The following COLGALT1 variants were observed in gnomAD, a reference collection of about 807,000 sequenced individuals.
The protein encoded by COLGALT1 is procollagen galactosyltransferase 1.
COLGALT1 carries 43 observed loss-of-function variants against 60.8 expected under a neutral mutation model. The observed-to-expected ratio is 0.71, with a 90% CI of 0.55 to 0.91. The LOEUF is 0.91. Ranked by LOEUF, COLGALT1 falls within the 40% of genes least tolerant of loss-of-function variation. The pLI is 0.00. For synonymous variants in COLGALT1, 369 were observed against 374.2 expected, an observed-to-expected ratio of 0.99 and a Z score of 0.16; for missense variants, 845 against 880.0, an observed-to-expected ratio of 0.96 and a Z score of 0.50.
intron 6 of COLGALT1, 21 bp downstream of exon 6, chr19:17,572,623 C>T (rs1344587492): frequency 6.2e-7 from 1 of 1,613,110 alleles, no homozygotes; most frequent in Non-Finnish European, 8.5e-7. Flanking sequence ...CTGCACACCG[C>T]CCTGGGAGGT....
intron 9 of COLGALT1, among the ~76,000 whole-genome samples, chr19:17,578,747 A>C (rs956456002): frequency 7.9e-5 from 12 of 152,216 alleles, no homozygotes; most frequent in Non-Finnish European, 1.8e-4. Flanking sequence ...GTGGTGGCTC[A>C]TGCCTGTAAT....
chr19:17,579,401 C>T (rs2076364427), intron 9 of COLGALT1, 81 bp from the exon 10 acceptor site: 1 of 1,589,262 alleles, frequency 6.3e-7, no homozygotes, highest in Admixed American at 1.7e-5. Context: ...GTCTTTCAAA[C>T]CTTCTCAAAG....
rs374175193 is a variant in COLGALT1, at chr19:17,577,990, G to T, written c.1167G>T (p.Gly389=). The T allele has an allele frequency of 1.7e-5, 27 of 1,612,024 alleles. No individual in the cohort carries two copies. Among genetic ancestry groups the T allele is most frequent in the African/African-American group, 1.6e-4 (12 of 74,956 alleles). ...AMNTSQVEAL[G]IQMLPGYRDP... Reference sequence around the variant, plus strand: ...ACACCAGCCAGGTGGAGGCGCTGGGGATCCAGATGCTGCCTGGCTACCGGG... The same window carrying T: ...ACACCAGCCAGGTGGAGGCGCTGGGTATCCAGATGCTGCCTGGCTACCGGG... Residue 389 remains glycine (G), a synonymous_variant, in exon 9 of 12, where the codon GGG becomes GGT. Transcript: ENST00000252599.
At position 17,576,410 on chromosome 19, in the gene COLGALT1, G is replaced by T. The variant is rs530808799; in HGVS notation, c.950-785G>T. On this transcript the variant is annotated intron_variant, in intron 6 of 11. Coordinates refer to ENST00000252599, the MANE Select transcript of COLGALT1 (RefSeq NM_024656.4). ...TATTTCAAGCAGGGATCCAGCATGTGCAAAGGCCCTGAGGTAGGAATGGGG... is the reference window on the plus strand; with the variant it reads ...TATTTCAAGCAGGGATCCAGCATGTTCAAAGGCCCTGAGGTAGGAATGGGG... Among the ~76,000 whole-genome samples the T allele has an allele frequency of 3.9e-5, 6 of 152,082 alleles. No homozygotes were observed. In the South Asian group the frequency reaches 1.2e-3, roughly 32 times the overall value.
intron 9 of COLGALT1, among the ~76,000 whole-genome samples, chr19:17,578,548 C>A (rs2076359118): frequency 6.6e-6 from 1 of 152,172 alleles, no homozygotes; most frequent in African/African-American, 2.4e-5. Context: ...TCTGACTAGG[C>A]TTCGAACTTG....
intron 6 of COLGALT1, among the ~76,000 whole-genome samples, chr19:17,576,552 G>A (rs1159025902): frequency 6.6e-6 from 1 of 151,304 alleles, no homozygotes; most frequent in Admixed American, 6.6e-5. Flanking sequence ...TGGAGCCCAG[G>A]GCGTGGCCAC....
intron 1 of COLGALT1, among the ~76,000 whole-genome samples, chr19:17,558,354 C>T (rs927832657): frequency 1.3e-5 from 2 of 149,146 alleles, no homozygotes; most frequent in South Asian, 2.2e-4. Context: ...GGATGACAGG[C>T]GTGAGCCACC....
chr19:17,577,563 C>T (rs1490178369), intron 8 of COLGALT1, 96 bp downstream of exon 8: 16 of 1,159,572 alleles, frequency 1.4e-5, no homozygotes, highest in Middle Eastern at 3.0e-4. Flanking sequence ...TGGGGGCGGG[C>T]GTGGTGTCCA....
intron 3 of COLGALT1, chr19:17,565,884 A>G (rs2076277073): frequency 6.6e-6 from 1 of 152,176 alleles, no homozygotes; most frequent in South Asian, 2.1e-4. Flanking sequence ...ACATGACCAC[A>G]GGGCTTGTCC....
chr19:17,579,638 G>C, intron 10 of COLGALT1, 29 bp downstream of exon 10: 1 of 1,603,942 alleles, frequency 6.2e-7, no homozygotes, highest in Non-Finnish European at 8.5e-7. Flanking sequence ...ATGGGGTGAA[G>C]CTGGGGCCTG....
chr19:17,577,174 C>T, intron 6 of COLGALT1, 21 bp from the exon 7 acceptor site: 1 of 1,612,294 alleles, frequency 6.2e-7, no homozygotes, highest in South Asian at 1.1e-5. Flanking sequence ...CCAGCGACTC[C>T]TCAACGTCTG....
chr19:17,578,794 T>C (rs1185219302), intron 9 of COLGALT1, among the ~76,000 whole-genome samples: 1 of 151,812 alleles, frequency 6.6e-6, no homozygotes, highest in East Asian at 1.9e-4. Flanking sequence ...GCGGATCACC[T>C]TAGGTCAGGA....
At chr19:17,580,614 G>C in intron 10 of COLGALT1, 85 bp from the exon 11 acceptor site, 1 of 1,366,844 alleles carries the variant, frequency 7.3e-7, no homozygotes, top group Non-Finnish European at 1.0e-6. Context: ...CCCAGGACCT[G>C]ACGGGGTAAC....
intron 6 of COLGALT1, among the ~76,000 whole-genome samples, chr19:17,574,565 G>A (rs1568479808): frequency 6.6e-6 from 1 of 152,080 alleles, no homozygotes; most frequent in Non-Finnish European, 1.5e-5. Flanking sequence ...CCTGTCCTCA[G>A]GTGATCCACC....
Position 17,567,459 on chromosome 19 carries a change from C to G in COLGALT1, c.543C>G (p.Ile181Met). ...ILNPDTLSLL[I>M]AENKTVVAPM... is the part of the protein sequence containing the mutation. The stretch of plus-strand genomic sequence containing the variant: ...ACCCTGACACACTGAGCCTGCTCAT[C>G]GCTGAGAACAAGACGGTGGTCGCCC... Residue 181 changes from isoleucine to methionine, a missense_variant, in exon 4 of 12, where the codon ATC becomes ATG. Coordinates refer to ENST00000252599, the MANE Select transcript of COLGALT1 (RefSeq NM_024656.4). The G allele has an allele frequency of 6.2e-7, 1 of 1,614,124 alleles. No homozygotes were observed. Among genetic ancestry groups the G allele is most frequent in the Non-Finnish European group, 8.5e-7 (1 of 1,179,982 alleles).
In COLGALT1 at chr19:17,559,381, T is replaced by G. The variant is rs2076234967; in HGVS notation, c.331T>G (p.Leu111Val). 1 of 1,552,084 alleles carries G rather than the reference T, an allele frequency of 6.4e-7. No homozygotes were observed. Among genetic ancestry groups the G allele is most frequent in the African/African-American group, 1.4e-5 (1 of 73,042 alleles). ...GGAGTGGCTGGTGGCCGTGAAGAGTTTGTACCATTCCGTGGAGTGGCGGCC... is the reference window on the plus strand; with the variant it reads ...GGAGTGGCTGGTGGCCGTGAAGAGTGTGTACCATTCCGTGGAGTGGCGGCC... ...LREWLVAVKSLYHSVEWRPAE... is the reference protein window; with the variant it reads ...LREWLVAVKSVYHSVEWRPAE... The change falls in exon 2 of 12, where the codon TTG (leucine) becomes GTG (valine). Residue 111 changes from leucine to valine, a missense_variant. Physicochemically the swap from Leu to Val is conservative, Grantham distance 32 (BLOSUM62 1). Coordinates refer to ENST00000252599, the MANE Select transcript of COLGALT1 (RefSeq NM_024656.4).
chr19:17,572,318 G>A (rs76321550), intron 5 of COLGALT1, among the ~76,000 whole-genome samples, 165 bp from the exon 6 acceptor site: 2 of 142,788 alleles, frequency 1.4e-5, no homozygotes, highest in African/African-American at 2.5e-5. Flanking sequence ...AAAAAAAAAA[G>A]TTGTTTGTAG....
intron 6 of COLGALT1, among the ~76,000 whole-genome samples, chr19:17,575,346 C>T (rs2076335126): frequency 2.0e-5 from 3 of 152,174 alleles, no homozygotes; most frequent in African/African-American, 7.2e-5. Context: ...CCTGGGTTCA[C>T]GCCATTCTCC....
chr19:17,563,273 C>T (rs2076260039), intron 3 of COLGALT1, among the ~76,000 whole-genome samples: 1 of 150,358 alleles, frequency 6.7e-6, no homozygotes, highest in East Asian at 1.9e-4. Context: ...TCACTGCAGC[C>T]TCCACCTCCT....
Sources: allele counts gnomAD v4.1 joint callset (sites outside exome capture counted in the v4.1 genomes callset), GRCh38; gene constraint gnomAD v4.1.1; transcripts MANE v1.5; gene names NCBI Gene and HGNC (gene_info 2026-07-23, HGNC 2026-07-21).